CSGALNACT1: variants seen among roughly 807,000 people sequenced by gnomAD.
CSGALNACT1 encodes the protein chondroitin sulfate N-acetylgalactosaminyltransferase 1, also known as beta4GalNAcT-1.
A neutral mutation model predicts 51.0 loss-of-function variants in CSGALNACT1; 52 were observed. The ratio of observed to expected loss-of-function variants is 1.02; its 90% CI spans 0.82 to 1.29. The LOEUF is 1.29. Ranked by LOEUF, CSGALNACT1 falls within the 50% of genes most tolerant of loss-of-function variation. The pLI, the probability that CSGALNACT1 is intolerant of heterozygous loss-of-function variation, is 0.00. For synonymous variants in CSGALNACT1, 341 were observed against 254.4 expected, an observed-to-expected ratio of 1.34 and a Z score of -3.24; for missense variants, 935 against 679.2, an observed-to-expected ratio of 1.38 and a Z score of -4.19.
intron 1 of CSGALNACT1, among the ~76,000 whole-genome samples, chr8:19,662,153 C>T (rs910763131): frequency 7.0e-6 from 1 of 143,432 alleles, no homozygotes; most frequent in Non-Finnish European, 1.5e-5. Flanking sequence ...CGGTGGGGCT[C>T]ACACTGGTAA....
At chr8:19,620,319 A>G (rs1431815215) in intron 1 of CSGALNACT1, among the ~76,000 whole-genome samples, 3 of 146,442 alleles carry the variant, frequency 2.0e-5, no homozygotes, top group Non-Finnish European at 4.5e-5. Flanking sequence ...TGTCTCAAAA[A>G]AAAAAAAAAA....
At chr8:19,411,146 C>A (rs1258016189) in intron 8 of CSGALNACT1, among the ~76,000 whole-genome samples, 1 of 152,216 alleles carries the variant, frequency 6.6e-6, no homozygotes, top group African/African-American at 2.4e-5. Flanking sequence ...CCTTTCCCCA[C>A]ACACCACTAA....
At chr8:19,409,584 T>C (rs192322097) in intron 8 of CSGALNACT1, among the ~76,000 whole-genome samples, 5 of 152,236 alleles carry the variant, frequency 3.3e-5, no homozygotes, top group Admixed American at 1.3e-4. Flanking sequence ...GGGAACAGTT[T>C]TGAGATCTTA....
At chr8:19,461,265 G>C (rs144066329) in intron 4 of CSGALNACT1, among the ~76,000 whole-genome samples, 10 of 152,330 alleles carry the variant, frequency 6.6e-5, no homozygotes, top group African/African-American at 2.4e-4. Context: ...TTCAAAGACG[G>C]TTCATTCCTT....
chr8:19,709,468 G>A lies in CSGALNACT1; in HGVS notation c.-297+48382C>T, dbSNP rs371772283. ...GGAAATAAGTAGGATGTCATGCTTT[G>A]GGTTAGCTGGTGAAGGGTGGGGATC... On this transcript the variant is annotated intron_variant, in intron 1 of 1. Coordinates refer to the CSGALNACT1 transcript ENST00000517494. Among the ~76,000 whole-genome samples, 4 of 152,264 alleles carry A rather than the reference G, an allele frequency of 2.6e-5. No individual in the cohort carries two copies. In the East Asian group the frequency reaches 5.8e-4, roughly 22 times the overall value.
chr8:19,426,272 C>A (rs1261811408), intron 6 of CSGALNACT1, among the ~76,000 whole-genome samples: 1 of 152,190 alleles, frequency 6.6e-6, no homozygotes, highest in Admixed American at 6.5e-5. Flanking sequence ...ACCAGAGAAA[C>A]CCCTCCCTTG....
chr8:19,422,292 C>G lies in CSGALNACT1; in HGVS notation c.954-1774G>C, dbSNP rs1391201790. 1.3e-5 allele frequency among the ~76,000 whole-genome samples: 2 copies of G among 152,136 alleles called. 1 individual carries two copies. Among genetic ancestry groups the G allele is most frequent in the South Asian group, 4.1e-4 (2 of 4,826 alleles). On this transcript the variant is annotated intron_variant, in intron 6 of 9. Transcript: ENST00000454498. ...ACAGCCTCAAACTCCTGGGCTCAAG[C>G]AATCCTCTTCTCTCAGCCAAGTCCC...
intron 1 of CSGALNACT1, among the ~76,000 whole-genome samples, chr8:19,704,036 C>T (rs1589605610): frequency 1.3e-5 from 2 of 152,188 alleles, no homozygotes; most frequent in African/African-American, 4.8e-5. Context: ...ACACACTACA[C>T]TGCACATGGG....
intron 1 of CSGALNACT1, among the ~76,000 whole-genome samples, chr8:19,700,414 G>T (rs566152239): frequency 1.3e-5 from 2 of 152,156 alleles, no homozygotes; most frequent in East Asian, 3.9e-4. Flanking sequence ...ACAAAATCAG[G>T]CTAATAGCCT....
chr8:19,522,850 A>G (rs2080997026), intron 3 of CSGALNACT1, among the ~76,000 whole-genome samples: 1 of 152,220 alleles, frequency 6.6e-6, no homozygotes, highest in Non-Finnish European at 1.5e-5. Context: ...GCTCAAAAAA[A>G]AATTTAAACA....
intron 1 of CSGALNACT1, among the ~76,000 whole-genome samples, chr8:19,642,246 G>A (rs181822197): frequency 1.1e-3 from 162 of 152,252 alleles, no homozygotes; most frequent in African/African-American, 3.7e-3. Flanking sequence ...AGACAGAAGA[G>A]AATGAATCTT....
At position 19,442,708 on chromosome 8, in the gene CSGALNACT1, T is replaced by G. The variant is rs1389129235; in HGVS notation, c.852-2777A>C. On this transcript the variant is annotated intron_variant, in intron 5 of 9. Transcript: ENST00000454498. ...ACATTGTGCACATGTACCCTAAAACTTAAAGTATAAAAAAAAAAAAAGACT... is the reference window on the plus strand; with the variant it reads ...ACATTGTGCACATGTACCCTAAAACGTAAAGTATAAAAAAAAAAAAAGACT... 2.6e-4 allele frequency among the ~76,000 whole-genome samples: 27 copies of G among 103,042 alleles called. No homozygotes were observed. The Admixed American group carries it at 3.5e-3, about 13-fold the overall frequency. The allele number at this position is 103,042 out of a possible 152,430, so 67.6% of individuals were successfully genotyped here.
chr8:19,729,561 A>G (rs1211573659), intron 1 of CSGALNACT1, among the ~76,000 whole-genome samples: 1 of 152,208 alleles, frequency 6.6e-6, no homozygotes. Context: ...AGGGCTAGTT[A>G]GAGTAGATAC....
chr8:19,544,613 A>T (rs2086046138), intron 3 of CSGALNACT1, among the ~76,000 whole-genome samples: 1 of 152,130 alleles, frequency 6.6e-6, no homozygotes, highest in African/African-American at 2.4e-5. Flanking sequence ...TCTGGAGAGG[A>T]TTTGAAACTG....
exon 10 of CSGALNACT1, chr8:19,405,181 A>G: frequency 2.2e-6 from 1 of 447,702 alleles, no homozygotes; most frequent in Non-Finnish European, 4.4e-6. Flanking sequence ...AAACGGAGAC[A>G]GTTAAAAGGA....
chr8:19,621,787 A>C (rs1210336596), intron 1 of CSGALNACT1, among the ~76,000 whole-genome samples: 1 of 152,220 alleles, frequency 6.6e-6, no homozygotes, highest in Non-Finnish European at 1.5e-5. Context: ...TCTCTAAAAA[A>C]TAAAAATAAA....
At chr8:19,728,763 C>CA (rs1564479161) in intron 1 of CSGALNACT1, among the ~76,000 whole-genome samples, 1 of 152,006 alleles carries the variant, frequency 6.6e-6, no homozygotes, top group South Asian at 2.1e-4. Context: ...GAATTTCTAC[C>CA]AAAAATTCTC....
upstream of CSGALNACT1, among the ~76,000 whole-genome samples, chr8:19,686,828 G>A (rs568246136): frequency 8.7e-4 from 132 of 152,294 alleles, 1 homozygote; most frequent in Non-Finnish European, 1.6e-3. Context: ...GAAAGTAACA[G>A]GTGACGTCAC....
chr8:19,729,781 G>T (rs1209869664), intron 1 of CSGALNACT1, among the ~76,000 whole-genome samples: 17 of 151,966 alleles, frequency 1.1e-4, no homozygotes, highest in Admixed American at 1.1e-3. Context: ...GAGAAGGGTG[G>T]TCCCATATGA....
Sources: allele counts gnomAD v4.1 joint callset (sites outside exome capture counted in the v4.1 genomes callset), GRCh38; gene constraint gnomAD v4.1.1; transcripts MANE v1.5; gene names NCBI Gene and HGNC (gene_info 2026-07-23, HGNC 2026-07-21).